Variants in PIK3R1 observed in about 807,000 individuals in gnomAD.
The protein encoded by PIK3R1 is phosphatidylinositol 3-kinase regulatory subunit alpha.
PIK3R1 carries 29 observed loss-of-function variants against 98.0 expected under a neutral mutation model. The ratio of observed to expected loss-of-function variants is 0.30; its 90% confidence interval spans 0.22 to 0.40. The LOEUF is 0.40. PIK3R1 is among the 10% of genes least tolerant of loss of function. PIK3R1 has a pLI of 1.00. For missense variants in PIK3R1, 596 were observed against 872.7 expected (o/e 0.68, Z 3.99); for synonymous variants, 282 against 311.8 (o/e 0.90, Z 1.01).
At chr5:68,295,372 A>G (rs774580762) in intron 13 of PIK3R1, 48 bp downstream of exon 13, 60 of 1,611,176 alleles carry the variant, frequency 3.7e-5, no homozygotes, top group Non-Finnish European at 4.8e-5. Context: ...GGTGATTGCT[A>G]CAATTCAGGA....
chr5:68,218,980 C>T (rs1377997400), intron 1 of PIK3R1, among the ~76,000 whole-genome samples: 1 of 152,146 alleles, frequency 6.6e-6, no homozygotes, highest in African/African-American at 2.4e-5. Flanking sequence ...CCCTAATGCC[C>T]TAATGTGATT....
At position 68,274,311 on chromosome 5, in the gene PIK3R1, C is replaced by T. The variant is rs1344577971; in HGVS notation, c.502+298C>T. ...AAACCACCTCTTGGTGTTTCTCTCG[C>T]TCTGTGTATCTACCATCTTTCCTTG... is the stretch of plus-strand genomic sequence containing the variant. On this transcript the variant is annotated intron_variant, in intron 4 of 15. Coordinates refer to ENST00000521381, the MANE Select transcript of PIK3R1 (RefSeq NM_181523.3). Among the ~76,000 whole-genome samples the T allele has an allele frequency of 2.6e-5, 4 of 152,298 alleles. No homozygotes were observed. In the East Asian group the frequency reaches 7.7e-4, roughly 29 times the overall value.
rs1862162 is a variant in PIK3R1 at position 68,288,930 on chromosome 5, A to G, written c.917-3329A>G. ...GAGGGGGACAGTGGCTGGGAAAGATAGGGTTTAGGTTGGAATTTCAGTAAG... is the reference window on the plus strand; with the variant it reads ...GAGGGGGACAGTGGCTGGGAAAGATGGGGTTTAGGTTGGAATTTCAGTAAG... On this transcript the variant is annotated intron_variant, in intron 7 of 15. Transcript: ENST00000521381. 0.22 allele frequency among the ~76,000 whole-genome samples: 33,636 copies of G among 151,828 alleles called. 4,020 individuals carry two copies. The highest frequency in any genetic ancestry group is 0.26 in the South Asian group (1,258 of 4,810).
At chr5:68,244,140 A>G (rs1744975512) in intron 2 of PIK3R1, among the ~76,000 whole-genome samples, 1 of 152,244 alleles carries the variant, frequency 6.6e-6, no homozygotes, top group African/African-American at 2.4e-5. Flanking sequence ...TTTTATTTAT[A>G]TATAAAAACC....
In PIK3R1 at chr5:68,301,176, A is replaced by G. The variant is rs760444755; in HGVS notation, c.*3575A>G. 10 of 223,216 alleles carry G rather than the reference A, an allele frequency of 4.5e-5. No homozygotes were observed. Among genetic ancestry groups the G allele is most frequent in the Middle Eastern group, 1.4e-3 (1 of 724 alleles). 13.8% of individuals were successfully genotyped at this position (223,216 alleles called of 1,614,324 possible). On this transcript the variant is annotated 3_prime_UTR_variant, in exon 16 of 16. Transcript: ENST00000521381. ...GGCAGTTTAAAGCACAATGTCTCAC[A>G]TGGGACAAAGTTCCAAAATGCCAAA...
In PIK3R1 at chr5:68,300,962, T is replaced by TG. The variant is rs1748008931; in HGVS notation, c.*3365dup. The TG allele has an allele frequency of 4.3e-6, 1 of 233,344 alleles. No homozygotes were observed. The allele number at this position is 233,344 out of a possible 1,614,324, so 14.5% of individuals were successfully genotyped here. On this transcript the variant is annotated 3_prime_UTR_variant, in exon 16 of 16. Transcript: ENST00000521381. Reference sequence around the variant, plus strand: ...AATGTGTTTATGTGAGCTGTCACTGTGGGGAACCAATTGCTTTGTCATATA... The same window carrying TG: ...AATGTGTTTATGTGAGCTGTCACTGTGGGGGAACCAATTGCTTTGTCATATA...
chr5:68,248,891 G>A (rs1745199492), intron 2 of PIK3R1, among the ~76,000 whole-genome samples: 1 of 152,106 alleles, frequency 6.6e-6, no homozygotes, highest in Non-Finnish European at 1.5e-5. Flanking sequence ...GTTGGAGTGA[G>A]GCCATAATAA....
rs116974854 is a variant in PIK3R1, at chr5:68,226,272, C to T, written c.-386-18C>T. 2.7e-4 allele frequency: 110 copies of T among 411,054 alleles called. 2 individuals are homozygous for T. In the East Asian group the frequency reaches 3.2e-3, roughly 12 times the overall value. 25.5% of individuals were successfully genotyped at this position (411,054 alleles called of 1,614,324 possible). On this transcript the variant is annotated intron_variant, in intron 1 of 15. Coordinates refer to ENST00000521381, the MANE Select transcript of PIK3R1 (RefSeq NM_181523.3). ...AAGTGTGCTGTTCATTCTTAAGTCTCGTTTTTTTCATTCCTAGGTGAAGCT... is the reference window on the plus strand; with the variant it reads ...AAGTGTGCTGTTCATTCTTAAGTCTTGTTTTTTTCATTCCTAGGTGAAGCT...
rs1747514040 is a variant in PIK3R1 at position 68,293,630 on chromosome 5, T to C, written c.1300-79T>C. 5 of 1,194,890 alleles carry C rather than the reference T, an allele frequency of 4.2e-6. No individual in the cohort carries two copies. In the South Asian group the frequency reaches 7.3e-5, roughly 18 times the overall value. 74.0% of individuals were successfully genotyped at this position (1,194,890 alleles called of 1,614,324 possible). On this transcript the variant is annotated intron_variant, in intron 10 of 15. Coordinates refer to ENST00000521381, the MANE Select transcript of PIK3R1 (RefSeq NM_181523.3). The stretch of plus-strand genomic sequence containing the variant: ...TTACATAATTGCAATTTTAAAGATG[T>C]TTCCATGTCAGCTATTTTGTTAAAC...
chr5:68,226,572 T>C lies in PIK3R1; in HGVS notation c.-104T>C. The C allele has an allele frequency of 1.1e-6, 1 of 925,084 alleles. No homozygotes were observed. Among genetic ancestry groups the C allele is most frequent in the Non-Finnish European group, 1.7e-6 (1 of 598,606 alleles). 57.3% of individuals were successfully genotyped at this position (925,084 alleles called of 1,614,324 possible). On this transcript the variant is annotated 5_prime_UTR_variant, in exon 2 of 16. Transcript: ENST00000521381. Reference sequence around the variant, plus strand: ...CCTTTGTCCTCTGCTGGACACATAATAGGAATTCTAACACATTCTCTGAAT... The same window carrying C: ...CCTTTGTCCTCTGCTGGACACATAACAGGAATTCTAACACATTCTCTGAAT...
intron 3 of PIK3R1, 139 bp from the exon 4 acceptor site, chr5:68,273,800 G>T: frequency 1.4e-6 from 1 of 712,324 alleles, no homozygotes; most frequent in South Asian, 1.8e-5. Context: ...TTAATAGTAG[G>T]AGTTGACTTC....
At chr5:68,253,983 C>CT (rs5868528) in intron 2 of PIK3R1, among the ~76,000 whole-genome samples, 3,206 of 129,548 alleles carry the variant, frequency 0.025, 82 homozygotes, top group African/African-American at 0.073. Context: ...CGTGGACCCC[C>CT]TTTTTTTTTT....
intron 5 of PIK3R1, among the ~76,000 whole-genome samples, chr5:68,279,997 C>T (rs1054498965): frequency 6.6e-6 from 1 of 152,144 alleles, no homozygotes; most frequent in African/African-American, 2.4e-5. Flanking sequence ...GTTTGTACGT[C>T]AATGAAGGAC....
intron 15 of PIK3R1, among the ~76,000 whole-genome samples, chr5:68,296,792 A>G (rs1747738675): frequency 6.6e-6 from 1 of 152,208 alleles, no homozygotes; most frequent in Non-Finnish European, 1.5e-5. Context: ...AGATAGGTAC[A>G]CCCACATTGG....
chr5:68,263,171 ATATC>A lies in PIK3R1; in HGVS notation c.335-10215_335-10212del, dbSNP rs1393579576. ...TATATATGTACATATATCTACATAT[ATATC>A]TATATATACATATATCTACATATAT... On this transcript the variant is annotated intron_variant, in intron 2 of 15. Coordinates refer to ENST00000521381, the MANE Select transcript of PIK3R1 (RefSeq NM_181523.3). Among the ~76,000 whole-genome samples, 11 of 146,374 alleles carry A rather than the reference ATATC, an allele frequency of 7.5e-5. No homozygotes were observed. The East Asian group carries it at 1.2e-3, about 16-fold the overall frequency.
chr5:68,272,135 C>T (rs1469276885), intron 2 of PIK3R1, among the ~76,000 whole-genome samples: 1 of 151,236 alleles, frequency 6.6e-6, no homozygotes, highest in African/African-American at 2.4e-5. Context: ...GCACTGTAGT[C>T]GCAGCTACTC....
intron 7 of PIK3R1, among the ~76,000 whole-genome samples, chr5:68,282,155 C>T (rs575438769): frequency 1.3e-5 from 2 of 152,176 alleles, no homozygotes; most frequent in East Asian, 3.9e-4. Flanking sequence ...CAGGGGTGCC[C>T]AGAATTCTAG....
chr5:68,280,843 T>C, intron 6 of PIK3R1, 84 bp from the exon 7 acceptor site: 1 of 1,219,192 alleles, frequency 8.2e-7, no homozygotes, highest in Non-Finnish European at 1.2e-6. Flanking sequence ...GCAGATGCTA[T>C]CACACACATT....
intron 2 of PIK3R1, among the ~76,000 whole-genome samples, chr5:68,248,364 A>G (rs1467894614): frequency 6.6e-6 from 1 of 152,242 alleles, no homozygotes; most frequent in Non-Finnish European, 1.5e-5. Flanking sequence ...AGATTTAAAT[A>G]TAAAACACTA....
Sources: gnomAD v4.1 joint callset for allele counts (sites outside exome capture counted in the v4.1 genomes callset) on GRCh38, gnomAD v4.1.1 for gene constraint, MANE v1.5 for transcripts, NCBI Gene and HGNC (gene_info 2026-07-23, HGNC 2026-07-21) for gene names.